Variants in ASB15 observed in about 807,000 individuals in gnomAD.
ASB15 encodes the protein ankyrin repeat and SOCS box containing 15.
ASB15 carries 54 observed loss-of-function variants against 58.0 expected under a neutral mutation model. The observed-to-expected ratio is 0.93, with a 90% CI of 0.75 to 1.17. ASB15 has a LOEUF of 1.17. ASB15 is among the 50% of genes most tolerant of loss of function. The probability of loss-of-function intolerance (pLI) is 0.00; values close to 1 mark genes in which losing one functional copy is unlikely to be tolerated. For synonymous variants in ASB15, 249 were observed against 262.4 expected (o/e 0.95, Z 0.50); for missense variants, 680 against 707.4 (o/e 0.96, Z 0.44).
In ASB15 at chr7:123,596,577, A is replaced by C. The variant is rs922107134; in HGVS notation, c.-442-7455A>C. On this transcript the variant is annotated intron_variant, in intron 1 of 13. Transcript: ENST00000451558. ...CTGTGAACCAAGATCGTACCAGTGC[A>C]CTCCAGGCTAAGTGACAGAGGGAGA... 3.9e-5 allele frequency: 6 copies of C among 152,254 alleles called. No homozygotes were observed. The East Asian group carries it at 1.2e-3, about 29-fold the overall frequency. The allele number at this position is 152,254 out of a possible 1,614,324, so 9.4% of individuals were successfully genotyped here.
chr7:123,635,583 CTTTTTTTTT>C (rs5887149), intron 11 of ASB15, among the ~76,000 whole-genome samples: 1 of 81,696 alleles, frequency 1.2e-5, no homozygotes, highest in Non-Finnish European at 2.1e-5. Context: ...AAATTAATTG[CTTTTTTTTT>C]TTTTTTTTTT....
intron 11 of ASB15, among the ~76,000 whole-genome samples, chr7:123,635,005 G>T (rs1802341083): frequency 6.6e-6 from 1 of 152,168 alleles, no homozygotes; most frequent in Non-Finnish European, 1.5e-5. Context: ...AAACTAAAGG[G>T]CATTTGGGTT....
In ASB15 at chr7:123,627,099, T is replaced by A; in HGVS notation, c.698-11T>A. The A allele has an allele frequency of 6.2e-7, 1 of 1,609,712 alleles. No homozygotes were observed. Among genetic ancestry groups the A allele is most frequent in the South Asian group, 1.1e-5 (1 of 90,542 alleles). On this transcript the variant is annotated splice_polypyrimidine_tract_variant and intron_variant, in intron 8 of 11. Coordinates refer to ENST00000451215, the MANE Select transcript of ASB15 (RefSeq NM_001290258.2). ...ATCCAGTTATCATTATGCCACGTTT[T>A]ATACTGCCAGGTGGTGATGTGCTTG...
chr7:123,629,235 A>C lies in ASB15; in HGVS notation c.1241A>C (p.Asn414Thr), dbSNP rs1196413719. 6.2e-7 allele frequency: 1 copy of C among 1,613,984 alleles called. No homozygotes were observed. Among genetic ancestry groups the C allele is most frequent in the Non-Finnish European group, 8.5e-7 (1 of 1,179,880 alleles). The change falls in exon 10 of 12, where the codon AAT (asparagine) becomes ACT (threonine). Residue 414 changes from asparagine (N) to threonine (T), a missense_variant. Physicochemically the swap from Asn to Thr is moderately conservative, Grantham distance 65. Coordinates refer to ENST00000451215, the MANE Select transcript of ASB15 (RefSeq NM_001290258.2). ...GTCAATTGTTATTTTATGCATGTGA[A>C]TGACACTCGTTTCCCCAGTGTCATT... ...ANVNCYFMHVNDTRFPSVIQY... is the reference protein window; with the variant it reads ...ANVNCYFMHVTDTRFPSVIQY...
chr7:123,577,797 GGACAGTTTCTATCAAA>G lies in ASB15; in HGVS notation c.-443+10714_-443+10729del, dbSNP rs934239693. On this transcript the variant is annotated intron_variant, in intron 1 of 13. Transcript: ENST00000451558. ...CTTCATCTTATCCCCAGGGTTGCAA[GGACAGTTTCTATCAAA>G]GACATTCTAGACATCATGTTCTTTG... Among the ~76,000 whole-genome samples the G allele has an allele frequency of 1.6e-3, 247 of 152,212 alleles. 1 individual carries two copies. The highest frequency in any genetic ancestry group is 5.5e-3 in the African/African-American group (230 of 41,550).
intron 2 of ASB15, among the ~76,000 whole-genome samples, chr7:123,604,657 A>G (rs79653236): frequency 0.017 from 2,559 of 152,150 alleles, 73 homozygotes; most frequent in African/African-American, 0.058. Flanking sequence ...TTGATGTTCA[A>G]ACTGAGGCTA....
chr7:123,630,402 G>A (rs1486820498), intron 11 of ASB15, among the ~76,000 whole-genome samples: 3 of 152,042 alleles, frequency 2.0e-5, no homozygotes, highest in Admixed American at 2.0e-4. Flanking sequence ...CATACAATAC[G>A]TAGACTGCAA....
chr7:123,620,507 CATATATATAT>C (rs1395766241), intron 7 of ASB15, among the ~76,000 whole-genome samples: 296 of 29,592 alleles, frequency 0.01, 2 homozygotes, highest in African/African-American at 0.026. Context: ...CATATACATA[CATATATATAT>C]ATATATATAT....
At chr7:123,588,534 T>TTTCC in intron 1 of ASB15, among the ~76,000 whole-genome samples, 2 of 151,574 alleles carry the variant, frequency 1.3e-5, no homozygotes, top group African/African-American at 2.4e-5. Context: ...TCTTTCTTTC[T>TTTCC]TTCCTTCTTT....
At chr7:123,630,190 C>G in intron 11 of ASB15, 71 bp downstream of exon 11, 2 of 1,188,886 alleles carry the variant, frequency 1.7e-6, no homozygotes, top group Non-Finnish European at 2.3e-6. Context: ...TTAATGTCTT[C>G]TTTGATACTT....
intron 1 of ASB15, chr7:123,567,127 T>A (rs1408218370): frequency 6.6e-6 from 1 of 152,222 alleles, no homozygotes; most frequent in Non-Finnish European, 1.5e-5. Flanking sequence ...AGAAAATGTG[T>A]AGATTTCTGG....
At chr7:123,632,143 A>G (rs1008303539) in intron 11 of ASB15, among the ~76,000 whole-genome samples, 1 of 152,088 alleles carries the variant, frequency 6.6e-6, no homozygotes, top group Non-Finnish European at 1.5e-5. Context: ...CAATGAATAC[A>G]TAACTTAAAA....
chr7:123,572,427 C>G (rs953863959), intron 1 of ASB15, among the ~76,000 whole-genome samples: 20 of 151,998 alleles, frequency 1.3e-4, no homozygotes, highest in Admixed American at 1.3e-4. Context: ...GCACGAGCCA[C>G]CACGCCCAGC....
chr7:123,571,113 A>G (rs1406948910), intron 1 of ASB15, among the ~76,000 whole-genome samples: 1 of 152,202 alleles, frequency 6.6e-6, no homozygotes, highest in African/African-American at 2.4e-5. Flanking sequence ...TTTAAGGAAT[A>G]AATGATCATT....
At chr7:123,623,529 A>G (rs910713298) in intron 7 of ASB15, among the ~76,000 whole-genome samples, 1 of 152,116 alleles carries the variant, frequency 6.6e-6, no homozygotes, top group Non-Finnish European at 1.5e-5. Flanking sequence ...CAGTTGGCCT[A>G]TGTAGATTCT....
intron 1 of ASB15, among the ~76,000 whole-genome samples, chr7:123,578,972 T>C (rs1011566857): frequency 2.0e-5 from 3 of 152,098 alleles, no homozygotes; most frequent in Non-Finnish European, 2.9e-5. Context: ...TATTGTATAA[T>C]GCTGGGGTTT....
At chr7:123,580,280 T>C (rs978931136) in intron 1 of ASB15, among the ~76,000 whole-genome samples, 1 of 152,094 alleles carries the variant, frequency 6.6e-6, no homozygotes, top group Non-Finnish European at 1.5e-5. Flanking sequence ...CTCAGGTGCA[T>C]GGCAGGCCGT....
intron 1 of ASB15, among the ~76,000 whole-genome samples, chr7:123,594,989 C>T (rs144167581): frequency 2.6e-5 from 4 of 152,244 alleles, no homozygotes; most frequent in Non-Finnish European, 4.4e-5. Context: ...AGCATAAAAC[C>T]GCCTACTCAA....
At chr7:123,629,923 A>T in intron 10 of ASB15, 43 bp from the exon 11 acceptor site, 1 of 1,051,952 alleles carries the variant, frequency 9.5e-7, no homozygotes, top group Non-Finnish European at 1.3e-6. Flanking sequence ...TATGTATATG[A>T]TATTAAAAAT....
Sources: gnomAD v4.1 joint callset for allele counts (sites outside exome capture counted in the v4.1 genomes callset) on GRCh38, gnomAD v4.1.1 for gene constraint, MANE v1.5 for transcripts, NCBI Gene and HGNC (gene_info 2026-07-23, HGNC 2026-07-21) for gene names.